The following CUX2 variants were observed in gnomAD, a reference collection of about 807,000 sequenced individuals.
CUX2 encodes the protein cut like homeobox 2, also known as homeobox protein cut-like 2.
In CUX2, 40 loss-of-function variants were observed where a neutral mutation model predicts 144.8. The ratio of observed to expected loss-of-function variants is 0.28; its 90% CI spans 0.21 to 0.36. CUX2 has a LOEUF of 0.36. Among genes scored for constraint, CUX2 ranks in the 10% least tolerant of loss-of-function variants. CUX2 has a pLI of 1.00. For synonymous variants in CUX2, 827 were observed against 875.6 expected (o/e 0.94, Z 0.98); for missense variants, 1,615 against 1,994.0 (o/e 0.81, Z 3.62).
At chr12:111,237,148 CT>C (rs1882796027) in intron 3 of CUX2, among the ~76,000 whole-genome samples, 1 of 152,112 alleles carries the variant, frequency 6.6e-6, no homozygotes, top group Admixed American at 6.6e-5. Flanking sequence ...AACCCTGTCT[CT>C]GTAAACAATA....
At chr12:111,337,503 GC>G (rs1888400795) in intron 19 of CUX2, among the ~76,000 whole-genome samples, 1 of 152,184 alleles carries the variant, frequency 6.6e-6, no homozygotes, top group Non-Finnish European at 1.5e-5. Context: ...CAACTGATGG[GC>G]ATTTTGGCTT....
intron 3 of CUX2, among the ~76,000 whole-genome samples, chr12:111,225,947 G>A (rs766510244): frequency 2.0e-5 from 3 of 152,058 alleles, no homozygotes; most frequent in Admixed American, 6.6e-5. Flanking sequence ...TACTGCCCCC[G>A]ACATGCACAT....
intron 3 of CUX2, among the ~76,000 whole-genome samples, chr12:111,218,228 C>T (rs1033550455): frequency 1.3e-5 from 2 of 152,176 alleles, no homozygotes; most frequent in Admixed American, 6.6e-5. Flanking sequence ...GATCTGTGAC[C>T]TTGGGGCGTA....
chr12:111,101,549 T>C lies in CUX2; in HGVS notation c.63+67309T>C, dbSNP rs141904209. Among the ~76,000 whole-genome samples, 342 of 152,230 alleles carry C rather than the reference T, an allele frequency of 2.2e-3. 3 individuals carry two copies. The highest frequency in any genetic ancestry group is 7.8e-3 in the African/African-American group (323 of 41,544). The stretch of plus-strand genomic sequence containing the variant: ...TGGTATCACCCTCTGCAGATCTGGG[T>C]GGGTGAGTGGGTAGGGGGAGTCACA... On this transcript the variant is annotated intron_variant, in intron 1 of 21. Transcript: ENST00000261726.
chr12:111,305,374 A>G (rs147290119), intron 10 of CUX2, among the ~76,000 whole-genome samples: 17 of 152,240 alleles, frequency 1.1e-4, no homozygotes, highest in African/African-American at 3.9e-4. Flanking sequence ...CCAGGTGTCT[A>G]TGTCTCTCTT....
intron 4 of CUX2, among the ~76,000 whole-genome samples, chr12:111,269,485 G>A (rs115155377): frequency 0.016 from 2,393 of 152,188 alleles, 67 homozygotes; most frequent in African/African-American, 0.054. Flanking sequence ...CACAGACATG[G>A]GCCCAGCCCT....
intron 4 of CUX2, among the ~76,000 whole-genome samples, chr12:111,272,614 G>A (rs778072212): frequency 1.3e-5 from 2 of 152,128 alleles, no homozygotes; most frequent in Non-Finnish European, 2.9e-5. Flanking sequence ...ACAGGCACAT[G>A]CCACTACACC....
At chr12:111,225,603 G>A (rs1300577521) in intron 3 of CUX2, among the ~76,000 whole-genome samples, 1 of 152,212 alleles carries the variant, frequency 6.6e-6, no homozygotes. Context: ...ACCTCAGCTT[G>A]GAGGGCCAAA....
At chr12:111,073,257 C>A (rs1871334694) in intron 1 of CUX2, among the ~76,000 whole-genome samples, 1 of 152,136 alleles carries the variant, frequency 6.6e-6, no homozygotes, top group South Asian at 2.1e-4. Context: ...TTGGAATCAA[C>A]CAGCCTGTGC....
chr12:111,036,644 T>C (rs1003397007), intron 1 of CUX2, among the ~76,000 whole-genome samples: 3 of 149,962 alleles, frequency 2.0e-5, no homozygotes, highest in Non-Finnish European at 4.4e-5. Flanking sequence ...GGGGGGGTTG[T>C]TCGTTAAAAC....
rs568662277 is a variant in CUX2 at position 111,057,615 on chromosome 12, C to T, written c.63+23375C>T. Reference sequence around the variant, plus strand: ...ACCATCTTCCTGTCTTCCTGTGGGCCCCTCGCTCCCCACTTCTGCCAGCAG... The same window carrying T: ...ACCATCTTCCTGTCTTCCTGTGGGCTCCTCGCTCCCCACTTCTGCCAGCAG... On this transcript the variant is annotated intron_variant, in intron 1 of 21. Transcript: ENST00000261726. This position sits in a 1 kb window ranked among gnomAD's most constrained non-coding sequence, Gnocchi z 5.1. Among the ~76,000 whole-genome samples the T allele has an allele frequency of 6.6e-6, 1 of 152,122 alleles. No individual in the cohort carries two copies. Among genetic ancestry groups the T allele is most frequent in the Non-Finnish European group, 1.5e-5 (1 of 68,026 alleles).
Position 111,263,944 on chromosome 12 carries a change from T to TCACCCAGGAGC in CUX2, c.301+106_301+107insACCCAGGAGCC. The TCACCCAGGAGC allele has an allele frequency of 8.9e-7, 1 of 1,125,138 alleles. No individual in the cohort carries two copies. The highest frequency in any genetic ancestry group is 1.3e-6 in the Non-Finnish European group (1 of 744,512). 69.7% of individuals were successfully genotyped at this position (1,125,138 alleles called of 1,614,324 possible). A position where few individuals can be genotyped will look rare whatever the true frequency, so the allele number is the denominator to read the frequency against. ...GTGGGATGTGGGGACATGCCTGGGCTCCTGGGTGAGGCCAGGCACTCTGTA... is the reference window on the plus strand; with the variant it reads ...GTGGGATGTGGGGACATGCCTGGGCTCACCCAGGAGCCCTGGGTGAGGCCAGGCACTCTGTA... On this transcript the variant is annotated intron_variant, in intron 4 of 21. Coordinates refer to ENST00000261726, the MANE Select transcript of CUX2 (RefSeq NM_015267.4). This position sits in a 1 kb window ranked among gnomAD's most constrained non-coding sequence, Gnocchi z 4.0.
chr12:111,169,276 G>A lies in CUX2; in HGVS notation c.64-44924G>A, dbSNP rs1380401085. 3.9e-5 allele frequency among the ~76,000 whole-genome samples: 6 copies of A among 152,072 alleles called. No homozygotes were observed. The East Asian group carries it at 7.7e-4, about 20-fold the overall frequency. On this transcript the variant is annotated intron_variant, in intron 1 of 21. Coordinates refer to ENST00000261726, the MANE Select transcript of CUX2 (RefSeq NM_015267.4). ...GCGACCACCAGCAGCTGGAGGTGGC[G>A]AGGAAGGACCCTCCCCTGGAGCCTG...
At chr12:111,128,145 C>T (rs1875211272) in intron 1 of CUX2, among the ~76,000 whole-genome samples, 5 of 152,200 alleles carry the variant, frequency 3.3e-5, no homozygotes, top group Admixed American at 3.3e-4. Flanking sequence ...CTTCCAAGTC[C>T]CTGACCATCG....
At chr12:111,303,773 A>G (rs1252597623) in intron 9 of CUX2, among the ~76,000 whole-genome samples, 1 of 152,164 alleles carries the variant, frequency 6.6e-6, no homozygotes, top group African/African-American at 2.4e-5. Flanking sequence ...ACCAGGTGGC[A>G]TGAGAGTTGG....
chr12:111,181,896 A>G (rs73415935), intron 1 of CUX2, among the ~76,000 whole-genome samples: 3,878 of 152,274 alleles, frequency 0.025, 170 homozygotes, highest in African/African-American at 0.088. Flanking sequence ...TTTGTTTGCC[A>G]TTTCCTCATG....
chr12:111,159,334 A>G (rs1877606475), intron 1 of CUX2, among the ~76,000 whole-genome samples: 1 of 148,936 alleles, frequency 6.7e-6, no homozygotes, highest in African/African-American at 2.5e-5. Flanking sequence ...TTTTTCCTAG[A>G]GAGAGGGGTC....
intron 3 of CUX2, among the ~76,000 whole-genome samples, chr12:111,262,937 G>T (rs1884200483): frequency 6.6e-6 from 1 of 152,314 alleles, no homozygotes; most frequent in East Asian, 1.9e-4. Context: ...CACACCGTGT[G>T]CCGGGCCCTG....
At chr12:111,044,684 G>C (rs1342430358) in intron 1 of CUX2, among the ~76,000 whole-genome samples, 1 of 152,202 alleles carries the variant, frequency 6.6e-6, no homozygotes, top group Non-Finnish European at 1.5e-5. Flanking sequence ...TCTCTGGGGA[G>C]GGCAGGGACA....
Sources: allele counts gnomAD v4.1 joint callset (sites outside exome capture counted in the v4.1 genomes callset), GRCh38; gene constraint gnomAD v4.1.1; non-coding constraint Gnocchi (gnomAD v3.1); transcripts MANE v1.5; gene names NCBI Gene and HGNC (gene_info 2026-07-23, HGNC 2026-07-21).